Variants in OCA2 observed in about 807,000 individuals in gnomAD.
OCA2 encodes P protein.
OCA2 carries 77 observed loss-of-function variants against 100.2 expected under a neutral mutation model. That is an observed-to-expected ratio of 0.77 (90% confidence interval 0.64 to 0.93). OCA2 has a LOEUF of 0.93. Ranked by LOEUF, OCA2 falls within the 40% of genes least tolerant of loss-of-function variation. The pLI, the probability that OCA2 is intolerant of heterozygous loss-of-function variation, is 0.00. For missense variants in OCA2, 1,062 were observed against 1,089.1 expected (o/e 0.98, Z 0.35); for synonymous variants, 432 against 439.2 (o/e 0.98, Z 0.21).
rs575262609 is a variant in OCA2, at chr15:27,888,168, C to T, written c.2080-16246G>A. ...TCTGGGCAGCCCAGCCTGGGGATAT[C>T]CCTTCCAGCCCCCAAGGCAGCACCC... is the stretch of plus-strand genomic sequence containing the variant. On this transcript the variant is annotated intron_variant, in intron 19 of 23. Transcript: ENST00000354638. Among the ~76,000 whole-genome samples, 22 of 152,312 alleles carry T rather than the reference C, an allele frequency of 1.4e-4. No homozygotes were observed. In the South Asian group the frequency reaches 4.1e-3, roughly 29 times the overall value.
chr15:28,082,543 G>A (rs1444778026), intron 1 of OCA2, among the ~76,000 whole-genome samples: 1 of 152,194 alleles, frequency 6.6e-6, no homozygotes, highest in Non-Finnish European at 1.5e-5. Context: ...TGTGATGTGT[G>A]CACAGCATGA....
intron 19 of OCA2, among the ~76,000 whole-genome samples, chr15:27,876,840 C>T (rs2036812747): frequency 6.6e-6 from 1 of 151,596 alleles, no homozygotes; most frequent in African/African-American, 2.4e-5. Flanking sequence ...TTCAAAGAAC[C>T]AGCTTTTTGG....
In OCA2 at chr15:27,976,472, C is replaced by T. The variant is rs536362537; in HGVS notation, c.1503+6873G>A. Among the ~76,000 whole-genome samples the T allele has an allele frequency of 7.2e-5, 11 of 152,150 alleles. No individual in the cohort carries two copies. The South Asian group carries it at 1.2e-3, about 17-fold the overall frequency. The stretch of plus-strand genomic sequence containing the variant: ...GAGAGATTTTATCAGTAATAGATAT[C>T]GGATTTTGCCAAATGTTTTTTCTGC... On this transcript the variant is annotated intron_variant, in intron 14 of 23. Coordinates refer to ENST00000354638, the MANE Select transcript of OCA2 (RefSeq NM_000275.3).
intron 2 of OCA2, among the ~76,000 whole-genome samples, chr15:28,065,279 C>A (rs2043990718): frequency 6.6e-6 from 1 of 152,056 alleles, no homozygotes; most frequent in Non-Finnish European, 1.5e-5. Flanking sequence ...TTTCTAAGTT[C>A]ATCCACACAC....
intron 21 of OCA2, among the ~76,000 whole-genome samples, chr15:27,852,205 A>G (rs2035779556): frequency 6.6e-6 from 1 of 152,230 alleles, no homozygotes; most frequent in Non-Finnish European, 1.5e-5. Context: ...TTTGTGTTCA[A>G]GTCTTTAATC....
At chr15:27,999,077 A>T (rs34353399) in intron 9 of OCA2, among the ~76,000 whole-genome samples, 1 of 152,002 alleles carries the variant, frequency 6.6e-6, no homozygotes, top group Non-Finnish European at 1.5e-5. Flanking sequence ...GAGGGATAGC[A>T]TTAGGAGATA....
chr15:27,843,195 C>A (rs1053305795), intron 23 of OCA2, among the ~76,000 whole-genome samples: 1 of 152,108 alleles, frequency 6.6e-6, no homozygotes, highest in South Asian at 2.1e-4. Flanking sequence ...GCTTGGCCAA[C>A]CAAAGAAGAG....
intron 1 of OCA2, among the ~76,000 whole-genome samples, chr15:28,086,822 T>C (rs1212970809): frequency 6.6e-6 from 1 of 151,510 alleles, no homozygotes; most frequent in Admixed American, 6.6e-5. Flanking sequence ...AACAGTAAAA[T>C]GGAGGGGACA....
intron 23 of OCA2, among the ~76,000 whole-genome samples, chr15:27,836,252 G>A (rs1352765018): frequency 6.6e-5 from 10 of 152,206 alleles, no homozygotes; most frequent in African/African-American, 7.2e-5. Context: ...CATTAAGGGA[G>A]GGAAAAGGGC....
chr15:28,028,650 A>G (rs2042826210), intron 3 of OCA2, among the ~76,000 whole-genome samples: 1 of 152,152 alleles, frequency 6.6e-6, no homozygotes, highest in African/African-American at 2.4e-5. Flanking sequence ...ACTTGAAAAC[A>G]CATCCGTTTA....
At chr15:28,022,016 G>A (rs1321494285) in intron 6 of OCA2, among the ~76,000 whole-genome samples, 1 of 152,168 alleles carries the variant, frequency 6.6e-6, no homozygotes, top group Non-Finnish European at 1.5e-5. Context: ...TCATCTCCAA[G>A]CTTAAACACC....
Position 28,076,304 on chromosome 15 carries a change from C to A in OCA2, c.227+5344G>T, listed in dbSNP as rs60745442. Among the ~76,000 whole-genome samples, 873 of 152,326 alleles carry A rather than the reference C, an allele frequency of 5.7e-3. 11 individuals are homozygous for A. The highest frequency in any genetic ancestry group is 0.02 in the African/African-American group (839 of 41,562). ...ATGAAATACAGTAACCAATCCATGACAGATGTAAACGCTGCCTTAAATAAT... is the reference window on the plus strand; with the variant it reads ...ATGAAATACAGTAACCAATCCATGAAAGATGTAAACGCTGCCTTAAATAAT... On this transcript the variant is annotated intron_variant, in intron 2 of 23. Coordinates refer to ENST00000354638, the MANE Select transcript of OCA2 (RefSeq NM_000275.3).
At chr15:27,739,751 T>G in the OCA2 span, among the ~76,000 whole-genome samples, 1 of 152,240 alleles carries the variant, frequency 6.6e-6, no homozygotes, top group South Asian at 2.1e-4. Context: ...TGGCCAATAT[T>G]AATGATTTCT....
At chr15:27,884,550 T>C (rs1427462287) in intron 19 of OCA2, among the ~76,000 whole-genome samples, 1 of 152,188 alleles carries the variant, frequency 6.6e-6, no homozygotes, top group African/African-American at 2.4e-5. Context: ...TTTATATGCC[T>C]GGCAGAAAAG....
rs149289278 is a variant in OCA2, at chr15:27,912,443, T to A, written c.2079+13684A>T. On this transcript the variant is annotated intron_variant, in intron 19 of 23. Coordinates refer to ENST00000354638, the MANE Select transcript of OCA2 (RefSeq NM_000275.3). ...CTGATTGAAAATTGATGAGGATGTG[T>A]CTAAAGACGACAGGAGCCAAATGGA... Among the ~76,000 whole-genome samples the A allele has an allele frequency of 2.6e-5, 4 of 152,156 alleles. No homozygotes were observed. In the East Asian group the frequency reaches 7.7e-4, roughly 29 times the overall value.
downstream of OCA2, among the ~76,000 whole-genome samples, chr15:27,752,155 T>C (rs1223383017): frequency 3.9e-5 from 6 of 152,306 alleles, no homozygotes; most frequent in South Asian, 1.0e-3. Flanking sequence ...GACCAGATCC[T>C]CGTCTGCAGC....
At chr15:28,041,938 G>A (rs2043213357) in intron 2 of OCA2, among the ~76,000 whole-genome samples, 1 of 152,132 alleles carries the variant, frequency 6.6e-6, no homozygotes, top group Admixed American at 6.6e-5. Flanking sequence ...GAGAGAGAGA[G>A]AGGCATGCGT....
intron 23 of OCA2, among the ~76,000 whole-genome samples, chr15:27,822,521 T>C (rs914165904): frequency 6.6e-6 from 1 of 152,238 alleles, no homozygotes; most frequent in Admixed American, 6.5e-5. Flanking sequence ...TAGCAGTGTA[T>C]ATATTCCATT....
At chr15:27,952,063 T>C (rs2040049752) in intron 17 of OCA2, among the ~76,000 whole-genome samples, 171 bp from the exon 18 acceptor site, 2 of 152,186 alleles carry the variant, frequency 1.3e-5, no homozygotes, top group South Asian at 4.1e-4. Context: ...CCCGTACAGA[T>C]TCAGGATTAC....
Sources: gnomAD v4.1 joint callset for allele counts (sites outside exome capture counted in the v4.1 genomes callset) on GRCh38, gnomAD v4.1.1 for gene constraint, MANE v1.5 for transcripts, NCBI Gene and HGNC (gene_info 2026-07-23, HGNC 2026-07-21) for gene names.